ECI1: variants seen among roughly 807,000 people sequenced by gnomAD.
The protein encoded by ECI1 is enoyl-CoA delta isomerase 1, also known as enoyl-CoA delta isomerase 1, mitochondrial.
In ECI1, 34 loss-of-function variants were observed where a neutral mutation model predicts 34.2. That is an observed-to-expected ratio of 1.00 (90% CI 0.76 to 1.33). The LOEUF (loss-of-function observed/expected upper bound fraction) is 1.33, where lower values mean the gene tolerates loss of function less well. Among genes scored for constraint, ECI1 ranks in the 40% most tolerant of loss-of-function variants. The pLI is 0.00. For missense variants in ECI1, 456 were observed against 422.2 expected, an observed-to-expected ratio of 1.08 and a Z score of -0.70; for synonymous variants, 211 against 193.0, an observed-to-expected ratio of 1.09 and a Z score of -0.77.
chr16:2,243,837 A>G (rs1204041993), intron 4 of ECI1, among the ~76,000 whole-genome samples: 2 of 152,192 alleles, frequency 1.3e-5, no homozygotes, highest in Admixed American at 1.3e-4. Flanking sequence ...CAGCTAGCGC[A>G]ACCAGGATGT....
intron 2 of ECI1, among the ~76,000 whole-genome samples, 198 bp downstream of exon 2, chr16:2,251,118 C>A (rs866280544): frequency 1.5e-4 from 23 of 152,238 alleles, no homozygotes; most frequent in African/African-American, 5.3e-4. Context: ...CCGCGCCCGG[C>A]CTCCGCCAAC....
chr16:2,240,045 G>A lies in ECI1; in HGVS notation c.843C>T (p.Ile281=), dbSNP rs766446772. The A allele has an allele frequency of 4.3e-6, 7 of 1,613,878 alleles. No homozygotes were observed. The South Asian group carries it at 4.4e-5, about 10-fold the overall frequency. Residue 281 remains isoleucine, a synonymous_variant, in exon 7 of 7, where the codon ATC becomes ATT. Coordinates refer to ENST00000301729, the MANE Select transcript of ECI1 (RefSeq NM_001919.4). The stretch of plus-strand genomic sequence containing the variant: ...GGGACTTCTGGATGGAGTCTTTGGA[G>A]ATGAAGCTGACGAAGTTCTGCACGT... ...DADVQNFVSF[I]SKDSIQKSLQ...
At chr16:2,249,725 A>C (rs2093548317) in intron 2 of ECI1, among the ~76,000 whole-genome samples, 1 of 151,302 alleles carries the variant, frequency 6.6e-6, no homozygotes, top group East Asian at 2.0e-4. Context: ...CCAAAAAAAA[A>C]AAATTAGCCG....
intron 6 of ECI1, chr16:2,242,825 C>T: frequency 1.7e-6 from 1 of 599,934 alleles, no homozygotes; most frequent in Non-Finnish European, 3.0e-6. Context: ...CAGTCCTGCC[C>T]ACACTTTGAT....
intron 6 of ECI1, chr16:2,240,519 T>TG (rs2093525726): frequency 3.6e-6 from 1 of 274,440 alleles, no homozygotes; most frequent in African/African-American, 2.2e-5. Flanking sequence ...CCCTAATTTT[T>TG]TTTTGTTTTG....
chr16:2,240,528 T>C (rs947577511), intron 6 of ECI1: 1 of 277,426 alleles, frequency 3.6e-6, no homozygotes, highest in Non-Finnish European at 7.0e-6. Flanking sequence ...TTTTTTGTTT[T>C]GTTTTGTTTT....
In ECI1 at chr16:2,251,278, GA is replaced by G. The variant is rs1467939892; in HGVS notation, c.166+37del. 9.5e-6 allele frequency: 10 copies of G among 1,051,218 alleles called. No individual in the cohort carries two copies. The East Asian group carries it at 4.4e-4, about 47-fold the overall frequency. The allele number at this position is 1,051,218 out of a possible 1,614,324, so 65.1% of individuals were successfully genotyped here. ...GCGAGCGCGGACCCCCGCGGGTCCTGACCCCACGCCCGCCCTCCCTCGGCGC... is the reference window on the plus strand; with the variant it reads ...GCGAGCGCGGACCCCCGCGGGTCCTGCCCCACGCCCGCCCTCCCTCGGCGC... On this transcript the variant is annotated intron_variant, in intron 2 of 6. Transcript: ENST00000301729.
chr16:2,247,221 T>A (rs917673899), intron 2 of ECI1, among the ~76,000 whole-genome samples: 1 of 151,858 alleles, frequency 6.6e-6, no homozygotes, highest in African/African-American at 2.4e-5. Flanking sequence ...CTCAGCCTCC[T>A]GAGTAGCTGG....
chr16:2,246,179 CACCGTT>C (rs2093539852), intron 3 of ECI1, among the ~76,000 whole-genome samples: 2 of 152,226 alleles, frequency 1.3e-5, no homozygotes, highest in Non-Finnish European at 2.9e-5. Flanking sequence ...TTGGTAATGA[CACCGTT>C]CCCACAGATG....
intron 2 of ECI1, among the ~76,000 whole-genome samples, chr16:2,249,526 T>C (rs537829777): frequency 1.3e-5 from 2 of 152,016 alleles, no homozygotes; most frequent in East Asian, 3.9e-4. Flanking sequence ...AGGAAAAGTG[T>C]TCGTACAATG....
Position 2,251,501 on chromosome 16 carries a change from C to T in ECI1, c.52+14G>A, listed in dbSNP as rs1336273640. The stretch of plus-strand genomic sequence containing the variant: ...CGGCCCCGGCCCGATCCCTGCCCAC[C>T]CCGGGTTTCGCACCCGCGCGGAGCA... On this transcript the variant is annotated intron_variant, in intron 1 of 6. Transcript: ENST00000301729. The T allele has an allele frequency of 6.4e-7, 1 of 1,558,906 alleles. No homozygotes were observed. Among genetic ancestry groups the T allele is most frequent in the Non-Finnish European group, 8.7e-7 (1 of 1,153,754 alleles).
chr16:2,244,311 CTG>C (rs2093535014), intron 4 of ECI1, 93 bp downstream of exon 4: 19 of 1,423,800 alleles, frequency 1.3e-5, no homozygotes, highest in Non-Finnish European at 1.8e-5. Context: ...TCCCCTTCCC[CTG>C]TGAGAGATTC....
intron 6 of ECI1, 179 bp downstream of exon 6, chr16:2,242,867 G>A (rs979001683): frequency 6.3e-6 from 4 of 631,100 alleles, no homozygotes; most frequent in African/African-American, 3.6e-5. Flanking sequence ...ACCGTGAGAT[G>A]AGCTTCTGCG....
rs374331240 is a variant in ECI1 at position 2,243,197 on chromosome 16, G to A, written c.591C>T (p.Ile197=). ...GGGCACGCTCCGCCGCCCGGTGCCCGATGGTGTTCTCCAGGGTGTCTTTCA... is the reference window on the plus strand; with the variant it reads ...GGGCACGCTCCGCCGCCCGGTGCCCAATGGTGTTCTCCAGGGTGTCTTTCA... ...FWLKDTLENT[I]GHRAAERALQ... The change falls in exon 6 of 7, where the codon ATC becomes ATT. Residue 197 remains isoleucine, a synonymous_variant. Transcript: ENST00000301729. 9.3e-6 allele frequency: 15 copies of A among 1,610,692 alleles called. No individual in the cohort carries two copies. The highest frequency in any genetic ancestry group is 4.5e-5 in the East Asian group (2 of 44,888).
Position 2,243,213 on chromosome 16 carries a change from G to T in ECI1, c.575C>A (p.Thr192Asn). Reference protein sequence around the residue: ...GIIAPFWLKDTLENTIGHRAA... With the variant: ...GIIAPFWLKDNLENTIGHRAA... Reference sequence around the variant, plus strand: ...CCGGTGCCCGATGGTGTTCTCCAGGGTGTCTTTCAACCTGGAAATGCAGAC... The same window carrying T: ...CCGGTGCCCGATGGTGTTCTCCAGGTTGTCTTTCAACCTGGAAATGCAGAC... Residue 192 changes from threonine to asparagine, a missense_variant, in exon 6 of 7, where the codon ACC becomes AAC. By Grantham distance (65) the Thr-to-Asn change is moderately conservative. Transcript: ENST00000301729. The T allele has an allele frequency of 6.2e-7, 1 of 1,611,994 alleles. No individual in the cohort carries two copies. Among genetic ancestry groups the T allele is most frequent in the Non-Finnish European group, 8.5e-7 (1 of 1,179,978 alleles).
At chr16:2,247,178 G>A (rs940550421) in intron 2 of ECI1, among the ~76,000 whole-genome samples, 192 bp from the exon 3 acceptor site, 4 of 152,100 alleles carry the variant, frequency 2.6e-5, no homozygotes, top group African/African-American at 7.2e-5. Flanking sequence ...CTCACTGCAA[G>A]CTCTGCCTTC....
intron 4 of ECI1, 144 bp downstream of exon 4, chr16:2,244,262 T>C: frequency 1.0e-6 from 1 of 1,001,262 alleles, no homozygotes; most frequent in Non-Finnish European, 1.5e-6. Context: ...TGGTCTGCGA[T>C]GGCGCTCACC....
In ECI1 at chr16:2,244,379, A is replaced by C. The variant is rs2093535199; in HGVS notation, c.441+27T>G. On this transcript the variant is annotated intron_variant, in intron 4 of 6. Transcript: ENST00000301729. ...TGGCGCTGGCCCAGAACAGCCAGCGAGGCCACCTGGGAGTGGGGACACTCA... is the reference window on the plus strand; with the variant it reads ...TGGCGCTGGCCCAGAACAGCCAGCGCGGCCACCTGGGAGTGGGGACACTCA... 4 of 1,609,826 alleles carry C rather than the reference A, an allele frequency of 2.5e-6. No homozygotes were observed. The African/African-American group carries it at 4.0e-5, about 16-fold the overall frequency.
intron 3 of ECI1, among the ~76,000 whole-genome samples, chr16:2,246,048 G>A (rs1419411103): frequency 6.6e-6 from 1 of 152,052 alleles, no homozygotes; most frequent in African/African-American, 2.4e-5. Context: ...TCTAGGCCAG[G>A]CCCTGTAAAG....
Sources: gnomAD v4.1 joint callset for allele counts (sites outside exome capture counted in the v4.1 genomes callset) on GRCh38, gnomAD v4.1.1 for gene constraint, MANE v1.5 for transcripts, NCBI Gene and HGNC (gene_info 2026-07-23, HGNC 2026-07-21) for gene names.